GSE1: variants seen among roughly 807,000 people sequenced by gnomAD.
The protein encoded by GSE1 is Gse1 coiled-coil protein.
GSE1 carries 32 observed loss-of-function variants against 112.6 expected under a neutral mutation model. That is an observed-to-expected ratio of 0.28 (90% CI 0.21 to 0.38). The LOEUF (loss-of-function observed/expected upper bound fraction) is 0.38. GSE1 is among the 10% of genes least tolerant of loss of function. The pLI, the probability that GSE1 is intolerant of heterozygous loss-of-function variation, is 1.00. For missense variants in GSE1, 2,348 were observed against 1,699.2 expected (o/e 1.38, Z -6.71); for synonymous variants, 1,115 against 735.6 (o/e 1.52, Z -8.35).
intron 1 of GSE1, among the ~76,000 whole-genome samples, chr16:85,303,685 G>A (rs985048712): frequency 6.6e-6 from 1 of 152,262 alleles, no homozygotes; most frequent in Non-Finnish European, 1.5e-5. Flanking sequence ...CGGCGGTGCG[G>A]GCAGGAGCCG....
At chr16:85,244,303 G>A (rs1394726236) in intron 1 of GSE1, among the ~76,000 whole-genome samples, 4 of 152,086 alleles carry the variant, frequency 2.6e-5, no homozygotes, top group African/African-American at 9.7e-5. Flanking sequence ...CTTTGAAGGT[G>A]GAAGGGAGGG....
At chr16:85,461,927 A>T (rs994452851) in intron 2 of GSE1, among the ~76,000 whole-genome samples, 1 of 151,780 alleles carries the variant, frequency 6.6e-6, no homozygotes, top group Non-Finnish European at 1.5e-5. Context: ...CTCCCAGCCC[A>T]TGGCTCTCAG....
chr16:85,264,372 G>A (rs1908019216), intron 1 of GSE1, among the ~76,000 whole-genome samples: 1 of 152,116 alleles, frequency 6.6e-6, no homozygotes. Context: ...GTAGAGGGGA[G>A]CCCTGGCCTC....
At chr16:85,586,797 C>T (rs777896580) in intron 1 of GSE1, among the ~76,000 whole-genome samples, 5 of 152,220 alleles carry the variant, frequency 3.3e-5, no homozygotes, top group African/African-American at 9.6e-5. Flanking sequence ...GGCTCTCCTC[C>T]GTGCCCCCAG....
At chr16:85,310,393 C>T (rs930931735) in intron 1 of GSE1, among the ~76,000 whole-genome samples, 9 of 152,182 alleles carry the variant, frequency 5.9e-5, no homozygotes, top group Admixed American at 2.6e-4. Context: ...ATTAAGCTGT[C>T]GTTCTCATTA....
At chr16:85,532,815 G>T (rs982538979) in intron 2 of GSE1, among the ~76,000 whole-genome samples, 2 of 152,210 alleles carry the variant, frequency 1.3e-5, no homozygotes, top group African/African-American at 4.8e-5. Flanking sequence ...TGAGGGTGTA[G>T]GCAGAGGGCT....
chr16:85,486,749 G>T (rs1413366121), intron 2 of GSE1, among the ~76,000 whole-genome samples: 1 of 152,126 alleles, frequency 6.6e-6, no homozygotes, highest in Non-Finnish European at 1.5e-5. Context: ...CTGTCCTGTT[G>T]CACAGGCTGT....
intron 1 of GSE1, among the ~76,000 whole-genome samples, chr16:85,330,842 C>T (rs1180332178): frequency 6.6e-6 from 1 of 152,168 alleles, no homozygotes; most frequent in African/African-American, 2.4e-5. Flanking sequence ...CTCCCTCCTC[C>T]CTTCTTACCC....
At chr16:85,611,513 G>C, upstream of GSE1, 5 of 982,780 alleles carry the variant, frequency 5.1e-6, no homozygotes, top group Non-Finnish European at 6.0e-6. Context: ...GCCGTGCCAG[G>C]GCCGGCCAGC....
At chr16:85,375,281 G>A (rs940051899) in intron 2 of GSE1, among the ~76,000 whole-genome samples, 1 of 151,850 alleles carries the variant, frequency 6.6e-6, no homozygotes, top group African/African-American at 2.4e-5. Context: ...GTGCCTTTTC[G>A]GGCCACCCAG....
intron 2 of GSE1, among the ~76,000 whole-genome samples, chr16:85,635,981 C>T (rs1255751328): frequency 6.6e-6 from 1 of 152,268 alleles, no homozygotes; most frequent in Non-Finnish European, 1.5e-5. Flanking sequence ...CCCCATGCTG[C>T]TGGCCCCAGC....
Position 85,228,941 on chromosome 16 carries a change from C to A in GSE1, c.2283+57134C>A, listed in dbSNP as rs188798127. ...GAGTTAAGCCATCCCAGCCTTGCAG[C>A]CTGTTCTGAGCTGGGCAGGACCTGG... On this transcript the variant is annotated intron_variant, in intron 1 of 2. Transcript: ENST00000637419. 5.2e-4 allele frequency among the ~76,000 whole-genome samples: 79 copies of A among 152,364 alleles called. 1 individual carries two copies. In the Middle Eastern group the frequency reaches 0.01, roughly 20 times the overall value.
chr16:85,652,820 G>T (rs938335626), intron 3 of GSE1, among the ~76,000 whole-genome samples: 4 of 152,156 alleles, frequency 2.6e-5, no homozygotes, highest in African/African-American at 9.7e-5. Context: ...CTGATCTTGT[G>T]GGGAGACGGC....
chr16:85,246,268 CACACACCCCACACGCTGTCT>C (rs1403365961), intron 1 of GSE1, among the ~76,000 whole-genome samples: 16 of 146,030 alleles, frequency 1.1e-4, no homozygotes, highest in South Asian at 2.2e-4. Flanking sequence ...CACACACACA[CACACACCCCACACGCTGTCT>C]ACACACACCC....
intron 2 of GSE1, among the ~76,000 whole-genome samples, chr16:85,478,854 T>C (rs1000661930): frequency 2.0e-4 from 3 of 14,996 alleles, no homozygotes; most frequent in Non-Finnish European, 3.5e-4. Flanking sequence ...TTTCTTTCTT[T>C]CTTTCTTTCT....
Position 85,673,839 on chromosome 16 carries a change from T to TTGATATAATTCTA in GSE1, c.*1301_*1313dup, listed in dbSNP as rs1296834526. 3 of 152,198 alleles carry TTGATATAATTCTA rather than the reference T, an allele frequency of 2.0e-5. No individual in the cohort carries two copies. The highest frequency in any genetic ancestry group is 4.4e-5 in the Non-Finnish European group (3 of 68,032). The allele number at this position is 152,198 out of a possible 1,614,324, so 9.4% of individuals were successfully genotyped here. On this transcript the variant is annotated 3_prime_UTR_variant, in exon 16 of 16. Transcript: ENST00000253458. Reference sequence around the variant, plus strand: ...TTCAGGAAGTCAATGATTTCTGTGATTGATATAATTCTAAGGTGTCTGAGA... The same window carrying TTGATATAATTCTA: ...TTCAGGAAGTCAATGATTTCTGTGATTGATATAATTCTATGATATAATTCTAAGGTGTCTGAGA...
At position 85,673,464 on chromosome 16, in the gene GSE1, T is replaced by C. The variant is rs1262936165; in HGVS notation, c.*925T>C. The C allele has an allele frequency of 6.8e-6, 1 of 146,304 alleles. No individual in the cohort carries two copies. Among genetic ancestry groups the C allele is most frequent in the Non-Finnish European group, 1.5e-5 (1 of 65,570 alleles). 9.1% of individuals were successfully genotyped at this position (146,304 alleles called of 1,614,324 possible). ...TGTTTGGGGGTTTTGTTTGTTGTTT[T>C]GGTTTTTTTTGGGCAAAAAAAAAAA... is the stretch of plus-strand genomic sequence containing the variant. On this transcript the variant is annotated 3_prime_UTR_variant, in exon 16 of 16. Transcript: ENST00000253458.
At chr16:85,309,781 G>T (rs2045783318) in intron 1 of GSE1, among the ~76,000 whole-genome samples, 1 of 152,240 alleles carries the variant, frequency 6.6e-6, no homozygotes, top group Non-Finnish European at 1.5e-5. Context: ...GGTCTGGGCC[G>T]GCTGGCGGCC....
In GSE1 at chr16:85,647,175, C is replaced by T. The variant is rs565678139; in HGVS notation, c.227-1377C>T. On this transcript the variant is annotated intron_variant, in intron 2 of 15. Transcript: ENST00000253458. ...GCAGATGGGCCGGGGCGGCCCTGCC[C>T]GTCCATGCCCCCTGTCCTTGGGGTA... Among the ~76,000 whole-genome samples the T allele has an allele frequency of 1.3e-4, 20 of 152,330 alleles. No individual in the cohort carries two copies. In the South Asian group the frequency reaches 2.5e-3, roughly 19 times the overall value.
Sources: allele counts gnomAD v4.1 joint callset (sites outside exome capture counted in the v4.1 genomes callset), GRCh38; gene constraint gnomAD v4.1.1; transcripts MANE v1.5; gene names NCBI Gene and HGNC (gene_info 2026-07-23, HGNC 2026-07-21).